Variants in QRICH1 observed in about 807,000 individuals in gnomAD.
QRICH1 encodes the protein glutamine rich 1.
A neutral mutation model predicts 87.1 loss-of-function variants in QRICH1; 16 were observed. The observed-to-expected ratio is 0.18, with a 90% CI of 0.12 to 0.28. QRICH1 has a LOEUF of 0.28. Ranked by LOEUF, QRICH1 falls within the 10% of genes least tolerant of loss-of-function variation. The pLI is 1.00. For synonymous variants in QRICH1, 367 were observed against 368.4 expected (o/e 1.00, Z 0.05); for missense variants, 647 against 951.7 (o/e 0.68, Z 4.21).
chr3:49,045,011 A>G (rs75368061), intron 5 of QRICH1, among the ~76,000 whole-genome samples: 3,012 of 152,170 alleles, frequency 0.02, 93 homozygotes, highest in African/African-American at 0.067. Flanking sequence ...AGGCAACAGA[A>G]TAAGTCCCAA....
At chr3:49,032,431 G>A in intron 8 of QRICH1, 158 bp from the exon 9 acceptor site, 4 of 850,984 alleles carry the variant, frequency 4.7e-6, no homozygotes, top group Non-Finnish European at 3.7e-6. Context: ...AAGGGAAGAG[G>A]CAGCTATTCT....
chr3:49,039,127 C>T (rs1295799066), intron 6 of QRICH1, among the ~76,000 whole-genome samples: 5 of 152,112 alleles, frequency 3.3e-5, no homozygotes, highest in Admixed American at 6.6e-5. Flanking sequence ...GAGGCTGAGG[C>T]GGGTGGATCA....
intron 3 of QRICH1, among the ~76,000 whole-genome samples, chr3:49,050,421 TCAAAAAAAAAAAA>T (rs1559933352): frequency 3.3e-5 from 1 of 30,146 alleles, no homozygotes. Context: ...AGACTCTGTC[TCAAAAAAAAAAAA>T]AAAAAAAAAA....
intron 3 of QRICH1, 59 bp downstream of exon 3, chr3:49,056,803 G>A (rs777631945): frequency 1.4e-4 from 232 of 1,612,546 alleles, no homozygotes; most frequent in Non-Finnish European, 1.9e-4. Context: ...GGCAAGCTCT[G>A]TGCTGCACTG....
chr3:49,085,115 C>G (rs1057336840), intron 1 of QRICH1, among the ~76,000 whole-genome samples: 23 of 152,006 alleles, frequency 1.5e-4, no homozygotes, highest in Non-Finnish European at 3.2e-4. Context: ...TGCACTCCAG[C>G]CTGGGCGACA....
rs577045696 is a variant in QRICH1, at chr3:49,081,973, A to G, written c.-21-4935T>C. On this transcript the variant is annotated intron_variant, in intron 1 of 9. Transcript: ENST00000395443. ...CAGGCATACGCCACCATGCCCAGCT[A>G]ATTTTTGTATTTTTAGTAGAGACAG... Among the ~76,000 whole-genome samples, 13 of 152,176 alleles carry G rather than the reference A, an allele frequency of 8.5e-5. No individual in the cohort carries two copies. The East Asian group carries it at 1.5e-3, about 18-fold the overall frequency.
intron 1 of QRICH1, among the ~76,000 whole-genome samples, chr3:49,088,153 C>T (rs949632594): frequency 1.3e-4 from 20 of 151,936 alleles, no homozygotes; most frequent in Non-Finnish European, 2.4e-4. Context: ...GAAAGTTTCA[C>T]CGTGCTAGCC....
chr3:49,069,541 G>A (rs77654653), intron 2 of QRICH1, among the ~76,000 whole-genome samples: 8 of 123,384 alleles, frequency 6.5e-5, no homozygotes, highest in South Asian at 6.2e-4. Flanking sequence ...CCATGGGGGG[G>A]AATTTTTTTT....
chr3:49,058,211 G>A (rs2093414577), intron 2 of QRICH1, among the ~76,000 whole-genome samples: 2 of 151,830 alleles, frequency 1.3e-5, no homozygotes, highest in East Asian at 2.0e-4. Flanking sequence ...ATGCAGTGGC[G>A]CAATCTCAGC....
At chr3:49,065,138 CTTT>C (rs541974005) in intron 2 of QRICH1, among the ~76,000 whole-genome samples, 6 of 143,970 alleles carry the variant, frequency 4.2e-5, no homozygotes, top group Admixed American at 7.0e-5. Context: ...TTGGAAACCT[CTTT>C]TTTTTTTTTT....
intron 7 of QRICH1, 54 bp from the exon 8 acceptor site, chr3:49,032,827 G>A: frequency 6.4e-7 from 1 of 1,557,416 alleles, no homozygotes; most frequent in Non-Finnish European, 8.7e-7. Flanking sequence ...AGGATACCAT[G>A]ACTCATCCTC....
chr3:49,045,350 G>C (rs1243147096), intron 5 of QRICH1, among the ~76,000 whole-genome samples: 2 of 103,374 alleles, frequency 1.9e-5, no homozygotes, highest in African/African-American at 9.6e-5. Flanking sequence ...AAAAAAAAAA[G>C]TCAAGGTAAT....
intron 6 of QRICH1, among the ~76,000 whole-genome samples, chr3:49,043,406 G>A (rs2093321750): frequency 7.6e-6 from 1 of 132,078 alleles, no homozygotes; most frequent in South Asian, 2.4e-4. Context: ...TGGGATAGGA[G>A]AATCACTTGA....
chr3:49,092,665 A>C (rs1187295513), intron 1 of QRICH1, among the ~76,000 whole-genome samples: 1 of 152,160 alleles, frequency 6.6e-6, no homozygotes, highest in East Asian at 1.9e-4. Context: ...GTTTTGTATT[A>C]GAAAAAAGAG....
rs1450489863 is a variant in QRICH1, at chr3:49,080,041, A to AG, written c.-21-3004_-21-3003insC. Among the ~76,000 whole-genome samples, 4 of 151,866 alleles carry AG rather than the reference A, an allele frequency of 2.6e-5. No homozygotes were observed. The South Asian group carries it at 8.3e-4, about 32-fold the overall frequency. The stretch of plus-strand genomic sequence containing the variant: ...GAGACTCTATCTCAAAAAAAAAAAA[A>AG]AAGGCATCTTTCATAATAGAGATCC... On this transcript the variant is annotated intron_variant, in intron 1 of 9. Transcript: ENST00000395443.
At chr3:49,094,365 G>A, upstream of QRICH1, 1 of 258,422 alleles carries the variant, frequency 3.9e-6, no homozygotes, top group Non-Finnish European at 7.3e-6. Flanking sequence ...GCCTCCTTTG[G>A]TCGAGCACGC....
rs372893068 is a variant in QRICH1, at chr3:49,032,098, TATG to T, written c.2138+82_2138+84del. Reference sequence around the variant, plus strand: ...TTGGGACTAGAGAATGCCTCTCCCCTATGATAAGTGATCACACAAGTGAGCATG... The same window carrying T: ...TTGGGACTAGAGAATGCCTCTCCCCTATAAGTGATCACACAAGTGAGCATG... On this transcript the variant is annotated intron_variant, in intron 9 of 9. Coordinates refer to ENST00000395443, the MANE Select transcript of QRICH1 (RefSeq NM_198880.3). 8.0e-5 allele frequency: 91 copies of T among 1,130,452 alleles called. No individual in the cohort carries two copies. In the East Asian group the frequency reaches 1.0e-3, roughly 13 times the overall value. 70.0% of individuals were successfully genotyped at this position (1,130,452 alleles called of 1,614,324 possible).
intron 1 of QRICH1, among the ~76,000 whole-genome samples, chr3:49,087,646 C>T (rs909357190): frequency 3.3e-5 from 5 of 151,000 alleles, no homozygotes; most frequent in African/African-American, 9.7e-5. Flanking sequence ...AAGGCCGAGT[C>T]GGGCATATCA....
At chr3:49,081,366 G>A (rs1040815598) in intron 1 of QRICH1, among the ~76,000 whole-genome samples, 3 of 150,816 alleles carry the variant, frequency 2.0e-5, no homozygotes, top group Admixed American at 6.6e-5. Flanking sequence ...GTAGTGAGCC[G>A]AGACTGCACC....
Sources: gnomAD v4.1 joint callset for allele counts (sites outside exome capture counted in the v4.1 genomes callset) on GRCh38, gnomAD v4.1.1 for gene constraint, MANE v1.5 for transcripts, NCBI Gene and HGNC (gene_info 2026-07-23, HGNC 2026-07-21) for gene names.